Variants in YWHAE observed in about 807,000 individuals in gnomAD.
YWHAE encodes tyrosine 3-monooxygenase/tryptophan 5-monooxygenase activation protein epsilon, also known as 14-3-3 protein epsilon.
A neutral mutation model predicts 30.1 loss-of-function variants in YWHAE; 4 were observed. The ratio of observed to expected loss-of-function variants is 0.13; its 90% CI spans 0.07 to 0.30. The LOEUF is 0.30. Among genes scored for constraint, YWHAE ranks in the 10% least tolerant of loss-of-function variants. The pLI is 1.00. For missense variants in YWHAE, 121 were observed against 315.9 expected (o/e 0.38, Z 4.68); for synonymous variants, 118 against 111.8 (o/e 1.06, Z -0.35).
chr17:1,385,385 A>G (rs1034692941), intron 1 of YWHAE, among the ~76,000 whole-genome samples: 2 of 152,176 alleles, frequency 1.3e-5, no homozygotes, highest in East Asian at 1.9e-4. Context: ...ACATGCCTCA[A>G]AAGTCATCTA....
chr17:1,391,509 T>C (rs1381910776), intron 1 of YWHAE, among the ~76,000 whole-genome samples: 1 of 152,208 alleles, frequency 6.6e-6, no homozygotes, highest in Non-Finnish European at 1.5e-5. Flanking sequence ...TTTCAAGATA[T>C]ACTCATGTGG....
chr17:1,389,814 G>A (rs1214215177), intron 1 of YWHAE, among the ~76,000 whole-genome samples: 1 of 151,878 alleles, frequency 6.6e-6, no homozygotes, highest in Non-Finnish European at 1.5e-5. Context: ...ACAGCCGTGA[G>A]CCACCGTACC....
rs56351171 is a variant in YWHAE, at chr17:1,354,964, GTTTTTTTTTTTTTTTTT to G, written c.579-634_579-618del. Among the ~76,000 whole-genome samples the G allele has an allele frequency of 1.0e-2, 744 of 74,752 alleles. 16 individuals carry two copies. The highest frequency in any genetic ancestry group is 0.026 in the African/African-American group (662 of 25,360). 49.0% of individuals were successfully genotyped at this position (74,752 alleles called of 152,430 possible). ...GGCGTGAGCCACCGCGCCCAGCCTA[GTTTTTTTTTTTTTTTTT>G]TTTTTTTTTTTTTTTTAAGGGATTC... On this transcript the variant is annotated intron_variant, in intron 4 of 5. Coordinates refer to ENST00000264335, the MANE Select transcript of YWHAE (RefSeq NM_006761.5).
In YWHAE at chr17:1,355,116, TAAAAAA is replaced by T. The variant is rs869230957; in HGVS notation, c.579-775_579-770del. Among the ~76,000 whole-genome samples, 22 of 17,182 alleles carry T rather than the reference TAAAAAA, an allele frequency of 1.3e-3. 1 individual carries two copies. In the South Asian group the frequency reaches 0.031, roughly 24 times the overall value. The allele number at this position is 17,182 out of a possible 152,430, so 11.3% of individuals were successfully genotyped here. A position where few individuals can be genotyped will look rare whatever the true frequency, so the allele number is the denominator to read the frequency against. On this transcript the variant is annotated intron_variant, in intron 4 of 5. Transcript: ENST00000264335. ...ACACACTACCACCCCCAAGATTTTTTAAAAAAAAAAAAAAAAAAAAAAAAAAAAAAA... is the reference window on the plus strand; with the variant it reads ...ACACACTACCACCCCCAAGATTTTTTAAAAAAAAAAAAAAAAAAAAAAAAA...
chr17:1,392,816 C>A (rs964337724), intron 1 of YWHAE, among the ~76,000 whole-genome samples: 1 of 151,618 alleles, frequency 6.6e-6, no homozygotes, highest in African/African-American at 2.4e-5. Context: ...CGCCACTGCA[C>A]TCCAGCCTGA....
intron 1 of YWHAE, among the ~76,000 whole-genome samples, chr17:1,382,652 G>A (rs539885428): frequency 2.0e-5 from 3 of 152,080 alleles, no homozygotes; most frequent in African/African-American, 7.2e-5. Context: ...GAGCCACCAC[G>A]CCTGGCCAGT....
In YWHAE at chr17:1,345,409, G is replaced by A; in HGVS notation, c.*38C>T. On this transcript the variant is annotated 3_prime_UTR_variant, in exon 6 of 6. Coordinates refer to ENST00000264335, the MANE Select transcript of YWHAE (RefSeq NM_006761.5). ...TTCCAAAGGGTGGGATGGGGAGGAG[G>A]GGGTGGTCAGAGATGGTTTCTCTTG... 1 of 1,609,560 alleles carries A rather than the reference G, an allele frequency of 6.2e-7. No homozygotes were observed. The highest frequency in any genetic ancestry group is 8.5e-7 in the Non-Finnish European group (1 of 1,176,028).
chr17:1,356,171 A>AACACACACACACACACACAC (rs71148473), intron 4 of YWHAE, among the ~76,000 whole-genome samples: 7 of 142,974 alleles, frequency 4.9e-5, no homozygotes, highest in Non-Finnish European at 7.6e-5. Context: ...TCCGTCTAAA[A>AACACACACACACACACACAC]ACACACACAC....
At chr17:1,358,828 T>G (rs758624908) in intron 4 of YWHAE, among the ~76,000 whole-genome samples, 1 of 64,302 alleles carries the variant, frequency 1.6e-5, no homozygotes, top group Non-Finnish European at 3.6e-5. Context: ...AGACTCCATC[T>G]TAAAAAAAAA....
chr17:1,357,199 C>T (rs910831649), intron 4 of YWHAE, among the ~76,000 whole-genome samples: 7 of 151,474 alleles, frequency 4.6e-5, no homozygotes, highest in South Asian at 2.1e-4. Flanking sequence ...GTCAGGAGAT[C>T]GAGACCATCC....
intron 1 of YWHAE, among the ~76,000 whole-genome samples, chr17:1,386,440 G>C (rs1490664000): frequency 6.6e-6 from 1 of 152,178 alleles, no homozygotes; most frequent in African/African-American, 2.4e-5. Context: ...TGTCTATTTT[G>C]TTCACTGATG....
At chr17:1,346,052 C>G (rs777385353) in intron 5 of YWHAE, among the ~76,000 whole-genome samples, 1 of 147,122 alleles carries the variant, frequency 6.8e-6, no homozygotes, top group African/African-American at 2.6e-5. Flanking sequence ...AAACTATAAT[C>G]AGATTTTACT....
chr17:1,379,231 T>C (rs1426236111), intron 1 of YWHAE, among the ~76,000 whole-genome samples: 1 of 152,172 alleles, frequency 6.6e-6, no homozygotes, highest in Non-Finnish European at 1.5e-5. Flanking sequence ...ACGCCTGTAA[T>C]CCCAACACTT....
chr17:1,380,355 G>A (rs977525442), intron 1 of YWHAE, among the ~76,000 whole-genome samples: 3 of 152,028 alleles, frequency 2.0e-5, no homozygotes, highest in Admixed American at 1.3e-4. Flanking sequence ...CAGGTGATCT[G>A]CCTGCCTCAG....
chr17:1,394,121 C>G (rs1385905047), intron 1 of YWHAE, among the ~76,000 whole-genome samples: 3 of 152,174 alleles, frequency 2.0e-5, no homozygotes, highest in East Asian at 1.9e-4. Context: ...ATCTAAAGGT[C>G]AGCAGACACT....
chr17:1,380,598 A>G (rs1404446027), intron 1 of YWHAE, among the ~76,000 whole-genome samples: 2 of 152,156 alleles, frequency 1.3e-5, no homozygotes, highest in Non-Finnish European at 2.9e-5. Flanking sequence ...TCTTCGCCTC[A>G]CTTCCAAGAT....
chr17:1,398,679 A>C (rs763772602), intron 1 of YWHAE, among the ~76,000 whole-genome samples: 7 of 152,216 alleles, frequency 4.6e-5, no homozygotes, highest in Non-Finnish European at 7.3e-5. Flanking sequence ...CTTTCGTTTA[A>C]TACTACAGTA....
At chr17:1,374,655 T>C (rs970427900) in intron 1 of YWHAE, among the ~76,000 whole-genome samples, 7 of 152,212 alleles carry the variant, frequency 4.6e-5, no homozygotes, top group African/African-American at 1.4e-4. Flanking sequence ...CTTTGTGGTT[T>C]TGATTTGCAT....
chr17:1,363,731 T>C (rs2072898967), intron 2 of YWHAE, among the ~76,000 whole-genome samples: 1 of 152,218 alleles, frequency 6.6e-6, no homozygotes, highest in African/African-American at 2.4e-5. Flanking sequence ...CTCAGGACAG[T>C]GCCCAGTACA....
Sources: gnomAD v4.1 joint callset for allele counts (sites outside exome capture counted in the v4.1 genomes callset) on GRCh38, gnomAD v4.1.1 for gene constraint, MANE v1.5 for transcripts, NCBI Gene and HGNC (gene_info 2026-07-23, HGNC 2026-07-21) for gene names.